TNRC18: variants seen among roughly 807,000 people sequenced by gnomAD.
TNRC18 encodes trinucleotide repeat containing 18, also known as trinucleotide repeat-containing gene 18 protein.
In TNRC18, 69 loss-of-function variants were observed where a neutral mutation model predicts 226.7. The ratio of observed to expected loss-of-function variants is 0.30; its 90% CI spans 0.25 to 0.37. TNRC18 has a LOEUF of 0.37. Ranked by LOEUF, TNRC18 falls within the 10% of genes least tolerant of loss-of-function variation. TNRC18 has a pLI of 1.00. For missense variants in TNRC18, 4,754 were observed against 4,256.6 expected (o/e 1.12, Z -3.25); for synonymous variants, 2,449 against 1,927.6 (o/e 1.27, Z -7.09).
At chr7:5,387,630 A>AC (rs1562594009) in intron 5 of TNRC18, 42 bp downstream of exon 5, 2 of 1,596,826 alleles carry the variant, frequency 1.3e-6, no homozygotes, top group Non-Finnish European at 8.5e-7. Context: ...CGGCAGAGAG[A>AC]CCCAAGATCC....
At chr7:5,408,966 T>A (rs1467504528) in intron 2 of TNRC18, among the ~76,000 whole-genome samples, 1 of 152,198 alleles carries the variant, frequency 6.6e-6, no homozygotes, top group Non-Finnish European at 1.5e-5. Context: ...GTGCGAATCA[T>A]CAACCTTAAC....
chr7:5,344,745 C>A (rs1187026411), intron 18 of TNRC18, among the ~76,000 whole-genome samples: 7 of 152,192 alleles, frequency 4.6e-5, no homozygotes, highest in Non-Finnish European at 1.0e-4. Flanking sequence ...AGCCTGAACA[C>A]ATGCATGACC....
At position 5,388,698 on chromosome 7, in the gene TNRC18, G is replaced by T; in HGVS notation, c.1126C>A (p.Pro376Thr). Residue 376 changes from proline (P) to threonine (T), a missense_variant, in exon 5 of 30, where the codon CCT (proline) becomes ACT (threonine). By Grantham distance (38) the Pro-to-Thr change is conservative. Coordinates refer to ENST00000430969, the MANE Select transcript of TNRC18 (RefSeq NM_001080495.3). ...EHRVVAPTFV[P>T]SVEAFDERPG... ...CGCTCGTCGAAGGCCTCCACGGAAG[G>T]CACGAAGGTGGGCGCCACCACGCGG... The T allele has an allele frequency of 7.9e-7, 1 of 1,265,854 alleles. No homozygotes were observed. 78.4% of individuals were successfully genotyped at this position (1,265,854 alleles called of 1,614,324 possible).
intron 8 of TNRC18, among the ~76,000 whole-genome samples, chr7:5,376,562 T>C (rs910962601): frequency 1.3e-5 from 2 of 152,048 alleles, no homozygotes; most frequent in Non-Finnish European, 2.9e-5. Context: ...GTCTACAAGG[T>C]GGATTCCTGG....
At chr7:5,361,755 TG>T in intron 13 of TNRC18, 33 bp from the exon 14 acceptor site, 7 of 1,553,256 alleles carry the variant, frequency 4.5e-6, no homozygotes, top group East Asian at 2.4e-5. Context: ...GCTGTGACGC[TG>T]GGGGGCGGGC....
rs939169394 is a variant in TNRC18 at position 5,388,731 on chromosome 7, G to A, written c.1093C>T (p.Arg365Cys). Reference protein sequence around the residue: ...GVYTVFREQGREHRVVAPTFV... With the variant: ...GVYTVFREQGCEHRVVAPTFV... ...GTGGGCGCCACCACGCGGTGCTCAC[G>A]GCCCTGCTCGCGGAAGACGGTGTAG... The change falls in exon 5 of 30, where the codon CGT becomes TGT. Residue 365 changes from arginine to cysteine, a missense_variant. Physicochemically the swap from Arg to Cys is radical, Grantham distance 180. Coordinates refer to ENST00000430969, the MANE Select transcript of TNRC18 (RefSeq NM_001080495.3). 2.5e-5 allele frequency: 32 copies of A among 1,259,586 alleles called. No homozygotes were observed. The African/African-American group carries it at 4.3e-4, about 17-fold the overall frequency. 78.0% of individuals were successfully genotyped at this position (1,259,586 alleles called of 1,614,324 possible).
intron 18 of TNRC18, among the ~76,000 whole-genome samples, chr7:5,340,045 T>C (rs962448540): frequency 5.3e-5 from 8 of 152,158 alleles, no homozygotes; most frequent in African/African-American, 1.9e-4. Context: ...TTCAAGTGAA[T>C]TGAAGAGTCA....
chr7:5,394,776 G>A lies in TNRC18; in HGVS notation c.188-181C>T, dbSNP rs1338521638. On this transcript the variant is annotated intron_variant, in intron 2 of 29. Transcript: ENST00000430969. The surrounding 1 kb of genome is among the most constrained non-coding windows in gnomAD (Gnocchi z 4.5). ...GGCCCCACCCCTGGGCTGCAAGATG[G>A]TCCTGGATCAACCCAACCAGACCCA... 2.0e-5 allele frequency among the ~76,000 whole-genome samples: 3 copies of A among 151,862 alleles called. No individual in the cohort carries two copies. Among genetic ancestry groups the A allele is most frequent in the Admixed American group, 2.0e-4 (3 of 15,226 alleles).
At chr7:5,373,277 T>C (rs1048077844) in intron 10 of TNRC18, among the ~76,000 whole-genome samples, 12 of 152,156 alleles carry the variant, frequency 7.9e-5, no homozygotes, top group Non-Finnish European at 1.2e-4. Context: ...TGAGCTGTGA[T>C]TGTACCACTG....
chr7:5,329,124 G>A (rs1028527910), intron 19 of TNRC18, among the ~76,000 whole-genome samples: 4 of 151,916 alleles, frequency 2.6e-5, no homozygotes, highest in Admixed American at 6.6e-5. Flanking sequence ...CCAACATGGC[G>A]AAACCTTGTC....
chr7:5,410,310 C>CAAAAAAAAAAAAAAAA (rs1157425008), intron 2 of TNRC18, among the ~76,000 whole-genome samples: 1 of 66,220 alleles, frequency 1.5e-5, no homozygotes, highest in African/African-American at 4.2e-5. Context: ...GACTCTGTCT[C>CAAAAAAAAAAAAAAAA]AAAAAAAAAA....
rs981091775 is a variant in TNRC18 at position 5,324,128 on chromosome 7, T to G, written c.6442+86A>C. The G allele has an allele frequency of 1.7e-5, 25 of 1,431,664 alleles. No homozygotes were observed. In the African/African-American group the frequency reaches 3.1e-4, roughly 18 times the overall value. 88.7% of individuals were successfully genotyped at this position (1,431,664 alleles called of 1,614,324 possible). A position where few individuals can be genotyped will look rare whatever the true frequency, so the allele number is the denominator to read the frequency against. Reference sequence around the variant, plus strand: ...CCCTGCCCCCAGCTAGCCCAGCCCTTCAGTCTCAAGCCTTGCTCAGATCTG... The same window carrying G: ...CCCTGCCCCCAGCTAGCCCAGCCCTGCAGTCTCAAGCCTTGCTCAGATCTG... On this transcript the variant is annotated intron_variant, in intron 21 of 29. Transcript: ENST00000430969. The surrounding 1 kb of genome is among the most constrained non-coding windows in gnomAD (Gnocchi z 4.8).
At position 5,388,257 on chromosome 7, in the gene TNRC18, T is replaced by C; in HGVS notation, c.1567A>G (p.Met523Val). The C allele has an allele frequency of 1.9e-6, 3 of 1,607,886 alleles. No homozygotes were observed. Among genetic ancestry groups the C allele is most frequent in the African/African-American group, 1.3e-5 (1 of 74,804 alleles). ...TGGTGCTGCGCGGCCAGCACGGCCA[T>C]CTGCGTGGCGGCGAAGTTGCCCAGC... The part of the protein sequence containing the change: ...FELGNFAATQ[M>V]AVLAAQHHHS... Residue 523 changes from methionine to valine, a missense_variant, in exon 5 of 30, where the codon ATG becomes GTG. Transcript: ENST00000430969.
At chr7:5,345,516 C>CGGGGGGGGCG in intron 18 of TNRC18, 46 bp downstream of exon 18, 1 of 354,368 alleles carries the variant, frequency 2.8e-6, no homozygotes. Context: ...CAATGGCGTC[C>CGGGGGGGGCG]GCCCCTCCCA....
At chr7:5,391,842 A>T (rs1207236383) in intron 3 of TNRC18, among the ~76,000 whole-genome samples, 1 of 140,196 alleles carries the variant, frequency 7.1e-6, no homozygotes, top group Non-Finnish European at 1.5e-5. Flanking sequence ...ATTTAAAAAA[A>T]AAAAAAAAAA....
intron 2 of TNRC18, among the ~76,000 whole-genome samples, chr7:5,411,027 G>A (rs1436135885): frequency 6.6e-6 from 1 of 151,806 alleles, no homozygotes; most frequent in Non-Finnish European, 1.5e-5. Flanking sequence ...CCAACATGGT[G>A]AAACTCCGTC....
rs571808149 is a variant in TNRC18 at position 5,330,610 on chromosome 7, A to G, written c.6147+2012T>C. On this transcript the variant is annotated intron_variant, in intron 19 of 29. Transcript: ENST00000430969. ...AGAAACCCACTTCACACAGTCCTGCATGGTAAGTGTGTGAAGTGAAGGGGT... is the reference window on the plus strand; with the variant it reads ...AGAAACCCACTTCACACAGTCCTGCGTGGTAAGTGTGTGAAGTGAAGGGGT... Among the ~76,000 whole-genome samples the G allele has an allele frequency of 2.6e-5, 4 of 152,164 alleles. 1 individual carries two copies. Among genetic ancestry groups the G allele is most frequent in the African/African-American group, 7.2e-5 (3 of 41,522 alleles).
chr7:5,415,536 C>T lies in TNRC18; in HGVS notation c.187+5524G>A, dbSNP rs184621103. Among the ~76,000 whole-genome samples, 265 of 151,770 alleles carry T rather than the reference C, an allele frequency of 1.7e-3. 1 individual carries two copies. The highest frequency in any genetic ancestry group is 0.014 in the Middle Eastern group (4 of 294). Reference sequence around the variant, plus strand: ...GGGATTACAGGCACCCGCCACCACACCCAGCCAATTTTTTTTATATTTTCA... The same window carrying T: ...GGGATTACAGGCACCCGCCACCACATCCAGCCAATTTTTTTTATATTTTCA... On this transcript the variant is annotated intron_variant, in intron 2 of 29. Coordinates refer to ENST00000430969, the MANE Select transcript of TNRC18 (RefSeq NM_001080495.3).
In TNRC18 at chr7:5,342,157, A is replaced by C. The variant is rs1430703660; in HGVS notation, c.5719+3405T>G. Among the ~76,000 whole-genome samples the C allele has an allele frequency of 1.8e-4, 27 of 152,106 alleles. 1 individual carries two copies. The highest frequency in any genetic ancestry group is 1.6e-3 in the Admixed American group (24 of 15,276). On this transcript the variant is annotated intron_variant, in intron 18 of 29. Transcript: ENST00000430969. ...GAATTCACTATTCTAGGCCGGGTGC[A>C]GTGGCTCACGCCTGTAACCCCAGCA...
Sources: gnomAD v4.1 joint callset for allele counts (sites outside exome capture counted in the v4.1 genomes callset) on GRCh38, gnomAD v4.1.1 for gene constraint, Gnocchi (gnomAD v3.1) non-coding constraint, MANE v1.5 for transcripts, NCBI Gene and HGNC (gene_info 2026-07-23, HGNC 2026-07-21) for gene names.